MAML2: variants seen among roughly 807,000 people sequenced by gnomAD.
The protein encoded by MAML2 is mastermind-like protein 2.
Under a neutral mutation model 96.1 loss-of-function variants are expected in MAML2, and 22 were observed. The ratio of observed to expected loss-of-function variants is 0.23; its 90% CI spans 0.16 to 0.33. The LOEUF (loss-of-function observed/expected upper bound fraction) is 0.33, where lower values mean the gene tolerates loss of function less well. Ranked by LOEUF, MAML2 falls within the 10% of genes least tolerant of loss-of-function variation. The pLI is 1.00. For synonymous variants in MAML2, 561 were observed against 521.3 expected, an observed-to-expected ratio of 1.08 and a Z score of -1.04; for missense variants, 1,367 against 1,392.4, an observed-to-expected ratio of 0.98 and a Z score of 0.29.
intron 2 of MAML2, among the ~76,000 whole-genome samples, chr11:96,091,081 C>A (rs978789237): frequency 6.6e-6 from 1 of 152,214 alleles, no homozygotes; most frequent in African/African-American, 2.4e-5. Context: ...AGGCACAGAG[C>A]TATGCCTTCA....
intron 2 of MAML2, among the ~76,000 whole-genome samples, chr11:96,070,967 T>C (rs891014176): frequency 6.6e-6 from 1 of 152,260 alleles, no homozygotes; most frequent in Non-Finnish European, 1.5e-5. Context: ...GTTAATTTGT[T>C]GTTACTTCAG....
chr11:96,037,967 TAACGTACTAAAGAGAATGTTGAAA>T (rs1218156087), intron 2 of MAML2, among the ~76,000 whole-genome samples: 1 of 152,168 alleles, frequency 6.6e-6, no homozygotes, highest in Non-Finnish European at 1.5e-5. Flanking sequence ...GGTATTACAT[TAACGTACTAAAGAGAATGTTGAAA>T]ATCCACATTC....
chr11:96,269,929 C>T lies in MAML2; in HGVS notation c.513+71454G>A, dbSNP rs543344244. ...TCTAAACGTTGGGAGCCCCAGAGCT[C>T]AGAAACCTCTCGTTAAACCTCATGG... On this transcript the variant is annotated intron_variant, in intron 1 of 4. Coordinates refer to ENST00000524717, the MANE Select transcript of MAML2 (RefSeq NM_032427.4). Among the ~76,000 whole-genome samples the T allele has an allele frequency of 1.4e-4, 20 of 144,346 alleles. 4 individuals are homozygous for T. The highest frequency in any genetic ancestry group is 5.1e-4 in the African/African-American group (19 of 37,576). The allele number at this position is 144,346 out of a possible 152,430, so 94.7% of individuals were successfully genotyped here. A position where few individuals can be genotyped will look rare whatever the true frequency, so the allele number is the denominator to read the frequency against.
At chr11:96,060,206 C>A (rs184872885) in intron 2 of MAML2, among the ~76,000 whole-genome samples, 6 of 152,254 alleles carry the variant, frequency 3.9e-5, no homozygotes. Flanking sequence ...AATGCAATAA[C>A]TAAAGAAATG....
intron 1 of MAML2, among the ~76,000 whole-genome samples, chr11:96,124,682 CGT>C (rs912763044): frequency 3.3e-5 from 5 of 151,986 alleles, no homozygotes; most frequent in African/African-American, 9.7e-5. Context: ...TAAACACACG[CGT>C]GTGTGTGCGT....
chr11:96,011,399 T>G (rs1278463503), intron 2 of MAML2, among the ~76,000 whole-genome samples: 1 of 152,146 alleles, frequency 6.6e-6, no homozygotes, highest in Non-Finnish European at 1.5e-5. Flanking sequence ...AAAAAAGAAT[T>G]AAATCACGTC....
In MAML2 at chr11:96,031,640, G is replaced by A. The variant is rs540905252; in HGVS notation, c.2140-39917C>T. 2.6e-5 allele frequency among the ~76,000 whole-genome samples: 4 copies of A among 152,192 alleles called. No individual in the cohort carries two copies. The South Asian group carries it at 6.2e-4, about 24-fold the overall frequency. ...ATGCCCCCAGTGCGTAGCATGCTTG[G>A]GGTACAGACAAAATGTTTCATAAAT... On this transcript the variant is annotated intron_variant, in intron 2 of 4. Coordinates refer to ENST00000524717, the MANE Select transcript of MAML2 (RefSeq NM_032427.4).
intron 1 of MAML2, among the ~76,000 whole-genome samples, chr11:96,116,693 G>C (rs772714495): frequency 2.0e-5 from 3 of 152,178 alleles, no homozygotes; most frequent in Non-Finnish European, 4.4e-5. Context: ...CTAAACAAGT[G>C]GATTCCTTTA....
At chr11:96,052,467 C>A (rs1859003424) in intron 2 of MAML2, among the ~76,000 whole-genome samples, 1 of 152,178 alleles carries the variant, frequency 6.6e-6, no homozygotes, top group African/African-American at 2.4e-5. Flanking sequence ...AGGAGCCACT[C>A]TCCTCTTTGT....
At chr11:96,115,836 A>T (rs1860227449) in intron 1 of MAML2, among the ~76,000 whole-genome samples, 1 of 152,174 alleles carries the variant, frequency 6.6e-6, no homozygotes, top group African/African-American at 2.4e-5. Context: ...AGGTCCCAGG[A>T]TCTCAACTTG....
In MAML2 at chr11:96,110,347, G is replaced by T. The variant is rs189063485; in HGVS notation, c.514-16830C>A. On this transcript the variant is annotated intron_variant, in intron 1 of 4. Transcript: ENST00000524717. ...TGGTACAATACTTGGTATTTTGTAG[G>T]TACAAAGTTAAACATTCTAGAATGG... Among the ~76,000 whole-genome samples the T allele has an allele frequency of 5.3e-5, 8 of 152,316 alleles. No individual in the cohort carries two copies. The East Asian group carries it at 1.5e-3, about 29-fold the overall frequency.
intron 2 of MAML2, among the ~76,000 whole-genome samples, chr11:96,057,189 G>A (rs1319995315): frequency 6.6e-6 from 1 of 152,090 alleles, no homozygotes; most frequent in African/African-American, 2.4e-5. Flanking sequence ...TGGATGCCAG[G>A]ATCTCACTAC....
intron 3 of MAML2, among the ~76,000 whole-genome samples, chr11:95,989,858 C>T (rs568925270): frequency 5.9e-5 from 9 of 152,288 alleles, no homozygotes; most frequent in African/African-American, 1.7e-4. Context: ...GCCCTGAATA[C>T]GAAACTTATT....
intron 2 of MAML2, among the ~76,000 whole-genome samples, chr11:96,084,477 A>G (rs1421294141): frequency 6.6e-6 from 1 of 152,002 alleles, no homozygotes; most frequent in Non-Finnish European, 1.5e-5. Context: ...AGACTGGGGG[A>G]TGTGGAGATG....
In MAML2 at chr11:96,091,923, A is replaced by G. The variant is rs1027600690; in HGVS notation, c.2108T>C (p.Met703Thr). Residue 703 changes from methionine (M) to threonine (T), a missense_variant, in exon 2 of 5, where the codon ATG becomes ACG. Met to Thr is a moderately conservative substitution (Grantham distance 81). Coordinates refer to ENST00000524717, the MANE Select transcript of MAML2 (RefSeq NM_032427.4). ...CTGTTGTTGGGAGACTTGGTATCCC[A>G]TTCCTGCAATGGGCTGATTCTGCAT... ...QQMQNQPIAGMGYQVSQQQRQ... is the reference protein window; with the variant it reads ...QQMQNQPIAGTGYQVSQQQRQ... 3 of 1,613,368 alleles carry G rather than the reference A, an allele frequency of 1.9e-6. No homozygotes were observed. Among genetic ancestry groups the G allele is most frequent in the East Asian group, 2.2e-5 (1 of 44,890 alleles).
At chr11:96,329,465 A>G (rs533361830) in intron 1 of MAML2, among the ~76,000 whole-genome samples, 1 of 152,218 alleles carries the variant, frequency 6.6e-6, no homozygotes, top group Non-Finnish European at 1.5e-5. Context: ...CTCAATAAAC[A>G]TATGTAAGAA....
At chr11:96,150,347 G>C (rs1860899575) in intron 1 of MAML2, among the ~76,000 whole-genome samples, 1 of 152,208 alleles carries the variant, frequency 6.6e-6, no homozygotes, top group Non-Finnish European at 1.5e-5. Flanking sequence ...GATAAAGTGA[G>C]AGCACATAGG....
intron 1 of MAML2, among the ~76,000 whole-genome samples, chr11:96,166,156 C>CTG (rs1209786422): frequency 5.4e-4 from 46 of 85,720 alleles, no homozygotes; most frequent in African/African-American, 1.1e-3. Context: ...CTCTGTCTGT[C>CTG]TCTCTCTCTC....
At chr11:95,999,010 A>G (rs980719993) in intron 2 of MAML2, among the ~76,000 whole-genome samples, 7 of 152,170 alleles carry the variant, frequency 4.6e-5, no homozygotes, top group Admixed American at 4.6e-4. Flanking sequence ...TAGAAGACAA[A>G]TTACCTGTCC....
Sources: allele counts gnomAD v4.1 joint callset (sites outside exome capture counted in the v4.1 genomes callset), GRCh38; gene constraint gnomAD v4.1.1; transcripts MANE v1.5; gene names NCBI Gene and HGNC (gene_info 2026-07-23, HGNC 2026-07-21).